Variants in NBEA observed in about 807,000 individuals in gnomAD.
NBEA encodes lysosomal-trafficking regulator 2.
A neutral mutation model predicts 343.4 loss-of-function variants in NBEA; 44 were observed. That is an observed-to-expected ratio of 0.13 (90% confidence interval 0.10 to 0.16). The LOEUF is 0.16. Among genes scored for constraint, NBEA ranks in the 10% least tolerant of loss-of-function variants. The probability of loss-of-function intolerance (pLI) is 1.00; values close to 1 mark genes in which losing one functional copy is unlikely to be tolerated. For synonymous variants in NBEA, 1,175 were observed against 1,238.7 expected (o/e 0.95, Z 1.08); for missense variants, 2,555 against 3,631.3 (o/e 0.70, Z 7.62).
intron 46 of NBEA, among the ~76,000 whole-genome samples, chr13:35,584,726 CT>C (rs572736998): frequency 1.1e-3 from 166 of 152,218 alleles, no homozygotes; most frequent in African/African-American, 3.6e-3. Flanking sequence ...TCTTGAACTC[CT>C]GACCTCAGGT....
chr13:35,258,787 T>C (rs897166426), intron 34 of NBEA, among the ~76,000 whole-genome samples: 1 of 152,220 alleles, frequency 6.6e-6, no homozygotes, highest in African/African-American at 2.4e-5. Flanking sequence ...TATGATTTTT[T>C]AAATTTTAAT....
chr13:34,952,475 T>G, intron 1 of NBEA, among the ~76,000 whole-genome samples: 1 of 152,198 alleles, frequency 6.6e-6, no homozygotes, highest in Non-Finnish European at 1.5e-5. Flanking sequence ...TGTGGATACT[T>G]GAGGGATTAC....
intron 38 of NBEA, among the ~76,000 whole-genome samples, chr13:35,373,914 A>G (rs1256965712): frequency 6.6e-6 from 1 of 152,042 alleles, no homozygotes; most frequent in Non-Finnish European, 1.5e-5. Flanking sequence ...GTATAAGTGA[A>G]TATGAACAGT....
chr13:35,515,196 T>TC (rs2077435972), intron 41 of NBEA, among the ~76,000 whole-genome samples: 1 of 152,150 alleles, frequency 6.6e-6, no homozygotes, highest in Admixed American at 6.5e-5. Flanking sequence ...ATTATTACCT[T>TC]CATGTAGAGG....
rs1456000469 is a variant in NBEA, at chr13:35,110,863, C to T, written c.1887C>T (p.Thr629=). 7 of 1,612,138 alleles carry T rather than the reference C, an allele frequency of 4.3e-6. No individual in the cohort carries two copies. The South Asian group carries it at 5.5e-5, about 13-fold the overall frequency. ...YLSAEFIGTA[T]IYTTIRRVGT... is the part of the protein sequence containing the mutation. The stretch of plus-strand genomic sequence containing the variant: ...CTGCTGAATTTATTGGAACTGCTAC[C>T]ATCTACACCACCATACGCAGAGTAG... The change falls in exon 13 of 59, where the codon ACC becomes ACT. Residue 629 remains threonine, a synonymous_variant. Transcript: ENST00000379939.
At chr13:35,397,942 T>C (rs2042821194) in intron 38 of NBEA, among the ~76,000 whole-genome samples, 1 of 152,158 alleles carries the variant, frequency 6.6e-6, no homozygotes, top group Admixed American at 6.6e-5. Context: ...GCCACATCAG[T>C]TGACTCTTCC....
rs1380931780 is a variant in NBEA at position 35,390,258 on chromosome 13, GC to G, written c.6179+37936del. On this transcript the variant is annotated intron_variant, in intron 38 of 58. Transcript: ENST00000379939. ...TAATACCTTTTCTATAAAAATTAAT[GC>G]AGTTGACACTCAGGGTAGATATATT... Among the ~76,000 whole-genome samples, 3 of 152,086 alleles carry G rather than the reference GC, an allele frequency of 2.0e-5. No individual in the cohort carries two copies. The East Asian group carries it at 5.8e-4, about 29-fold the overall frequency.
At chr13:35,014,311 C>T (rs1007628751) in intron 1 of NBEA, among the ~76,000 whole-genome samples, 2 of 152,044 alleles carry the variant, frequency 1.3e-5, no homozygotes, top group Non-Finnish European at 1.5e-5. Context: ...TTGTGCCATA[C>T]TTGCAGTCTT....
intron 52 of NBEA, among the ~76,000 whole-genome samples, chr13:35,651,541 A>G (rs1385247012): frequency 6.6e-6 from 1 of 152,092 alleles, no homozygotes; most frequent in South Asian, 2.1e-4. Flanking sequence ...AAATGTTACA[A>G]TCTTCTATTT....
intron 48 of NBEA, among the ~76,000 whole-genome samples, chr13:35,614,040 A>G (rs936120851): frequency 4.6e-5 from 7 of 152,152 alleles, no homozygotes; most frequent in Non-Finnish European, 8.8e-5. Context: ...ATAATAGCCA[A>G]TCTAACAGGT....
chr13:35,591,201 A>G (rs1039600376), intron 46 of NBEA, among the ~76,000 whole-genome samples: 5 of 152,102 alleles, frequency 3.3e-5, no homozygotes, highest in African/African-American at 1.2e-4. Flanking sequence ...ACAGTTACTT[A>G]AGGTTAAGTA....
chr13:35,093,015 T>C (rs1051246766), intron 10 of NBEA, among the ~76,000 whole-genome samples: 3 of 152,028 alleles, frequency 2.0e-5, no homozygotes, highest in Non-Finnish European at 4.4e-5. Context: ...AAGAATGGAC[T>C]CGATGTATGT....
intron 10 of NBEA, among the ~76,000 whole-genome samples, chr13:35,081,133 C>T (rs1297595986): frequency 6.6e-6 from 1 of 152,142 alleles, no homozygotes; most frequent in Non-Finnish European, 1.5e-5. Flanking sequence ...AGGGAAGTTT[C>T]ATGTGCCTCA....
chr13:35,445,441 A>G (rs2152940143), intron 39 of NBEA, among the ~76,000 whole-genome samples: 1 of 152,008 alleles, frequency 6.6e-6, no homozygotes, highest in South Asian at 2.1e-4. Context: ...ACTTAATATT[A>G]CTCTTCTACA....
intron 30 of NBEA, among the ~76,000 whole-genome samples, chr13:35,187,479 A>G (rs961606091): frequency 1.3e-5 from 2 of 149,714 alleles, no homozygotes; most frequent in African/African-American, 4.9e-5. Flanking sequence ...AATATAATAA[A>G]TATTTTATAA....
intron 45 of NBEA, among the ~76,000 whole-genome samples, chr13:35,570,288 C>A (rs2080341504): frequency 6.6e-6 from 1 of 152,256 alleles, no homozygotes; most frequent in Admixed American, 6.5e-5. Flanking sequence ...CCCACCTCAG[C>A]CTCCCAAAGT....
At chr13:35,221,640 T>A (rs1424520326) in intron 33 of NBEA, among the ~76,000 whole-genome samples, 1 of 152,152 alleles carries the variant, frequency 6.6e-6, no homozygotes, top group East Asian at 1.9e-4. Flanking sequence ...TTTTTTCTAG[T>A]AAGCATTAGC....
chr13:35,579,340 G>C (rs2080896072), intron 45 of NBEA, among the ~76,000 whole-genome samples: 1 of 151,854 alleles, frequency 6.6e-6, no homozygotes, highest in African/African-American at 2.4e-5. Flanking sequence ...AAGTTCTTCT[G>C]ATGTCTCATA....
chr13:35,366,774 G>A (rs2041143753), intron 38 of NBEA, among the ~76,000 whole-genome samples: 1 of 150,626 alleles, frequency 6.6e-6, no homozygotes, highest in Admixed American at 6.6e-5. Context: ...AAAATTAATG[G>A]ATGAAACTTA....
Sources: gnomAD v4.1 joint callset for allele counts (sites outside exome capture counted in the v4.1 genomes callset) on GRCh38, gnomAD v4.1.1 for gene constraint, MANE v1.5 for transcripts, NCBI Gene and HGNC (gene_info 2026-07-23, HGNC 2026-07-21) for gene names.